Variants in CR1 observed in about 807,000 individuals in gnomAD.
CR1 encodes complement receptor type 1.
A neutral mutation model predicts 187.3 loss-of-function variants in CR1; 116 were observed. That is an observed-to-expected ratio of 0.62 (90% CI 0.53 to 0.72). CR1 has a LOEUF of 0.72. Among genes scored for constraint, CR1 ranks in the 30% least tolerant of loss-of-function variants. The pLI, the probability that CR1 is intolerant of heterozygous loss-of-function variation, is 0.00. For missense variants in CR1, 1,731 were observed against 2,110.7 expected (o/e 0.82, Z 3.52); for synonymous variants, 576 against 747.1 (o/e 0.77, Z 3.73).
chr1:207,604,536 T>G (rs781255915), intron 35 of CR1, among the ~76,000 whole-genome samples: 3 of 152,220 alleles, frequency 2.0e-5, no homozygotes, highest in Admixed American at 1.3e-4. Context: ...TTTTCAGATA[T>G]TTGCCCTATC....
chr1:207,617,507 A>ATATGTG (rs1332301171), intron 41 of CR1, among the ~76,000 whole-genome samples: 852 of 46,996 alleles, frequency 0.018, 35 homozygotes, highest in African/African-American at 0.046. Context: ...ATATATATAT[A>ATATGTG]TGTGTGTGTG....
chr1:207,525,860 C>A (rs1660151754), intron 5 of CR1, among the ~76,000 whole-genome samples: 1 of 152,016 alleles, frequency 6.6e-6, no homozygotes, highest in South Asian at 2.1e-4. Context: ...TTTACAAACT[C>A]CCTAAAGAAG....
chr1:207,496,720 C>T (rs1246926397), intron 1 of CR1, among the ~76,000 whole-genome samples: 1 of 152,202 alleles, frequency 6.6e-6, no homozygotes, highest in Non-Finnish European at 1.5e-5. Context: ...ATAGCCAAGA[C>T]GTGGCGTTGA....
chr1:207,589,625 T>C (rs1355227359), intron 35 of CR1, among the ~76,000 whole-genome samples: 1 of 152,156 alleles, frequency 6.6e-6, no homozygotes, highest in Non-Finnish European at 1.5e-5. Flanking sequence ...TTGGACAGAT[T>C]GACAGAAGTA....
At chr1:207,629,070 A>T (rs1283329205) in intron 45 of CR1, among the ~76,000 whole-genome samples, 1 of 152,206 alleles carries the variant, frequency 6.6e-6, no homozygotes, top group African/African-American at 2.4e-5. Flanking sequence ...TGATAATGTT[A>T]AATAAGATAG....
chr1:207,598,876 A>T (rs1661526435), intron 35 of CR1: 1 of 152,252 alleles, frequency 6.6e-6, no homozygotes, highest in African/African-American at 2.4e-5. Flanking sequence ...ACTGGAAAGG[A>T]GGTCTTCTCT....
chr1:207,609,472 G>C lies in CR1; in HGVS notation c.6079G>C (p.Val2027Leu). 6.2e-7 allele frequency: 1 copy of C among 1,614,048 alleles called. No individual in the cohort carries two copies. Among genetic ancestry groups the C allele is most frequent in the Non-Finnish European group, 8.5e-7 (1 of 1,179,898 alleles). ...CACCAGCAAAGATGATCAAGTTGGT[G>C]TTTGGAGCAGCCCTCCCCCTCGGTG... The part of the protein sequence containing the change: ...YCTSKDDQVG[V>L]WSSPPPRCIS... Residue 2027 changes from valine (V) to leucine (L), a missense_variant, in exon 37 of 47, where the codon GTT (valine) becomes CTT (leucine). By Grantham distance (32) the Val-to-Leu change is conservative. Coordinates refer to ENST00000367049, the MANE Select transcript of CR1 (RefSeq NM_000651.6).
chr1:207,511,636 G>A lies in CR1; in HGVS notation c.469G>A (p.Glu157Lys). 1 of 1,612,998 alleles carries A rather than the reference G, an allele frequency of 6.2e-7. No homozygotes were observed. The highest frequency in any genetic ancestry group is 2.2e-5 in the East Asian group (1 of 44,854). Residue 157 changes from glutamate (E) to lysine (K), a missense_variant, in exon 4 of 47, where the codon GAA (glutamate) becomes AAA (lysine). Around this residue, in one of 5 missense-constraint regions of CR1, gnomAD observed 237 missense variants for 240.4 expected, o/e 0.99. Transcript: ENST00000367049. ...AGGTGATACTGTCATTTGGGATAAT[G>A]AAACACCTATTTGTGACAGTGAGTT... ...ISGDTVIWDN[E>K]TPICDRIPCG...
At chr1:207,596,863 A>G (rs1257543) in intron 35 of CR1, among the ~76,000 whole-genome samples, 20,221 of 147,796 alleles carry the variant, frequency 0.14, 4,526 homozygotes, top group African/African-American at 0.47. Context: ...AATTTGATAT[A>G]AAATATTATA....
chr1:207,510,777 C>A (rs1659588089), intron 3 of CR1, among the ~76,000 whole-genome samples: 1 of 150,326 alleles, frequency 6.7e-6, no homozygotes, highest in Non-Finnish European at 1.5e-5. Flanking sequence ...TCCCTCCCTT[C>A]CTTCCTTTCC....
In CR1 at chr1:207,621,934, T is replaced by C. The variant is rs1352429369; in HGVS notation, c.7253-39T>C. ...AGAGGTCCTGTTCAATCATGTTGCA[T>C]GCCAGAGTGATGTTTTGTGACTTTT... is the stretch of plus-strand genomic sequence containing the variant. On this transcript the variant is annotated intron_variant, in intron 43 of 46. Transcript: ENST00000367049. 1.3e-5 allele frequency: 21 copies of C among 1,562,430 alleles called. No individual in the cohort carries two copies. In the Admixed American group the frequency reaches 3.8e-4, roughly 28 times the overall value.
Position 207,619,774 on chromosome 1 carries a change from C to G in CR1, c.7067-106C>G, listed in dbSNP as rs572504857. The G allele has an allele frequency of 6.4e-6, 6 of 931,638 alleles. No homozygotes were observed. The East Asian group carries it at 1.3e-4, about 21-fold the overall frequency. The allele number at this position is 931,638 out of a possible 1,614,324, so 57.7% of individuals were successfully genotyped here. A position where few individuals can be genotyped will look rare whatever the true frequency, so the allele number is the denominator to read the frequency against. On this transcript the variant is annotated intron_variant, in intron 42 of 46. Transcript: ENST00000367049. Reference sequence around the variant, plus strand: ...TAACATGTTTAAAAACATGCTTCCTCTTAGCCAAGGGCAAAATAGGTTTTG... The same window carrying G: ...TAACATGTTTAAAAACATGCTTCCTGTTAGCCAAGGGCAAAATAGGTTTTG...
chr1:207,508,582 A>T (rs890446879), intron 3 of CR1, among the ~76,000 whole-genome samples: 1 of 152,244 alleles, frequency 6.6e-6, no homozygotes, highest in Non-Finnish European at 1.5e-5. Flanking sequence ...TGTGGATTAT[A>T]ACTGTTTCAA....
chr1:207,635,501 C>T (rs566204935), intron 46 of CR1, among the ~76,000 whole-genome samples: 12 of 152,312 alleles, frequency 7.9e-5, no homozygotes, highest in African/African-American at 2.6e-4. Flanking sequence ...AGCCCTAAGG[C>T]GGTTTTCCCC....
chr1:207,589,463 A>T (rs1324820111), intron 35 of CR1, among the ~76,000 whole-genome samples: 2 of 152,244 alleles, frequency 1.3e-5, no homozygotes, highest in Admixed American at 1.3e-4. Context: ...AAGGTCACCA[A>T]CATCAAAGAC....
chr1:207,611,922 T>C lies in CR1; in HGVS notation c.6473-17T>C. 1.1e-5 allele frequency: 17 copies of C among 1,614,008 alleles called. No homozygotes were observed. The highest frequency in any genetic ancestry group is 1.4e-5 in the Non-Finnish European group (17 of 1,179,896). Reference sequence around the variant, plus strand: ...CACATGGAGGACTTACTCCTGTTGTTTTATTTTTTCTTCTAGTGAAATCCT... The same window carrying C: ...CACATGGAGGACTTACTCCTGTTGTCTTATTTTTTCTTCTAGTGAAATCCT... On this transcript the variant is annotated splice_polypyrimidine_tract_variant and intron_variant, in intron 38 of 46. Coordinates refer to ENST00000367049, the MANE Select transcript of CR1 (RefSeq NM_000651.6).
At chr1:207,576,392 C>T (rs1469074221) in intron 28 of CR1, among the ~76,000 whole-genome samples, 3 of 152,158 alleles carry the variant, frequency 2.0e-5, no homozygotes, top group African/African-American at 4.8e-5. Flanking sequence ...GGTGGTATGG[C>T]TGTAAATCAG....
chr1:207,603,082 A>G (rs761277482), intron 35 of CR1, among the ~76,000 whole-genome samples: 5 of 152,152 alleles, frequency 3.3e-5, no homozygotes, highest in Non-Finnish European at 5.9e-5. Flanking sequence ...AATTTAATGT[A>G]ATCAGTTTCA....
chr1:207,633,087 C>T (rs1474164113), intron 46 of CR1, among the ~76,000 whole-genome samples: 1 of 152,138 alleles, frequency 6.6e-6, no homozygotes. Context: ...AGCCTCATTC[C>T]TGTCAGATTA....
Sources: allele counts gnomAD v4.1 joint callset (sites outside exome capture counted in the v4.1 genomes callset), GRCh38; gene constraint gnomAD v4.1.1; regional missense constraint gnomAD v4.1.1; transcripts MANE v1.5; gene names NCBI Gene and HGNC (gene_info 2026-07-23, HGNC 2026-07-21).